The following CSMD1 variants were observed in gnomAD, a reference collection of about 807,000 sequenced individuals.
The protein encoded by CSMD1 is CUB and sushi domain-containing protein 1.
In CSMD1, 213 loss-of-function variants were observed where a neutral mutation model predicts 417.5. The observed-to-expected ratio is 0.51, with a 90% confidence interval of 0.46 to 0.57. The LOEUF is 0.57. Ranked by LOEUF, CSMD1 falls within the 20% of genes least tolerant of loss-of-function variation. The probability of loss-of-function intolerance (pLI) is 0.00; values close to 1 mark genes in which losing one functional copy is unlikely to be tolerated. For synonymous variants in CSMD1, 2,862 were observed against 1,736.8 expected, an observed-to-expected ratio of 1.65 and a Z score of -16.11; for missense variants, 6,923 against 4,529.7, an observed-to-expected ratio of 1.53 and a Z score of -15.17.
At chr8:4,745,648 A>C (rs1452590900) in intron 1 of CSMD1, among the ~76,000 whole-genome samples, 1 of 152,200 alleles carries the variant, frequency 6.6e-6, no homozygotes, top group East Asian at 1.9e-4. Flanking sequence ...GAGAAGTAGA[A>C]ATAAAAGAAA....
intron 3 of CSMD1, among the ~76,000 whole-genome samples, chr8:4,043,748 T>C (rs749532360): frequency 6.6e-6 from 1 of 152,242 alleles, no homozygotes; most frequent in Non-Finnish European, 1.5e-5. Context: ...ATACTATTGA[T>C]ATCTTGCTGA....
intron 3 of CSMD1, among the ~76,000 whole-genome samples, chr8:4,086,781 G>A (rs1800443951): frequency 6.6e-6 from 1 of 152,172 alleles, no homozygotes; most frequent in Admixed American, 6.5e-5. Flanking sequence ...TCAACTGAGT[G>A]AATGAACTTG....
intron 1 of CSMD1, among the ~76,000 whole-genome samples, chr8:4,909,145 G>A (rs1237149737): frequency 1.3e-5 from 2 of 152,192 alleles, no homozygotes; most frequent in African/African-American, 4.8e-5. Context: ...TCTTCTCAGA[G>A]AGGACTGTCC....
At chr8:4,258,610 T>C (rs961935710) in intron 3 of CSMD1, among the ~76,000 whole-genome samples, 5 of 50,510 alleles carry the variant, frequency 9.9e-5, no homozygotes, top group African/African-American at 1.4e-4. Context: ...CTTGTTCTCA[T>C]AGGGGCACTC....
intron 23 of CSMD1, among the ~76,000 whole-genome samples, chr8:3,315,287 G>A (rs557484983): frequency 6.6e-6 from 1 of 152,132 alleles, no homozygotes; most frequent in Non-Finnish European, 1.5e-5. Flanking sequence ...AAAGGTAATT[G>A]GTTAAATTTA....
chr8:3,083,622 A>T (rs1238307330), intron 49 of CSMD1, among the ~76,000 whole-genome samples: 4 of 15,536 alleles, frequency 2.6e-4, no homozygotes, highest in African/African-American at 1.0e-3. Context: ...ATATATATAT[A>T]TATATATATA....
At chr8:3,398,219 C>T (rs945829790) in intron 16 of CSMD1, among the ~76,000 whole-genome samples, 1 of 152,118 alleles carries the variant, frequency 6.6e-6, no homozygotes, top group African/African-American at 2.4e-5. Context: ...TTCAGCTCCG[C>T]CTGCCAATAC....
intron 5 of CSMD1, among the ~76,000 whole-genome samples, chr8:3,887,109 G>A (rs73172289): frequency 6.6e-6 from 1 of 152,278 alleles, no homozygotes; most frequent in Non-Finnish European, 1.5e-5. Flanking sequence ...AGTAGAGGGT[G>A]GGACTTCTAC....
At chr8:3,044,939 C>T (rs75204220) in intron 50 of CSMD1, among the ~76,000 whole-genome samples, 5,979 of 152,164 alleles carry the variant, frequency 0.039, 405 homozygotes, top group African/African-American at 0.13. Flanking sequence ...TTAATGGTAA[C>T]CAAATTTTTC....
chr8:4,520,523 TA>T (rs532455036), intron 2 of CSMD1, among the ~76,000 whole-genome samples: 21 of 152,226 alleles, frequency 1.4e-4, no homozygotes, highest in African/African-American at 5.1e-4. Flanking sequence ...GACATCCCGA[TA>T]GGTGTCTTAG....
chr8:3,597,165 C>A (rs562981760), intron 8 of CSMD1, among the ~76,000 whole-genome samples: 5 of 152,146 alleles, frequency 3.3e-5, no homozygotes, highest in Non-Finnish European at 7.3e-5. Context: ...GGAATCAATG[C>A]CCCAGGGGTC....
chr8:4,928,920 A>G (rs938696072), intron 1 of CSMD1, among the ~76,000 whole-genome samples: 1 of 152,044 alleles, frequency 6.6e-6, no homozygotes, highest in Non-Finnish European at 1.5e-5. Context: ...AATATAAAAA[A>G]TTTAGCCAGG....
intron 57 of CSMD1, among the ~76,000 whole-genome samples, chr8:2,969,786 A>C (rs1448223382): frequency 6.6e-6 from 1 of 152,140 alleles, no homozygotes; most frequent in Non-Finnish European, 1.5e-5. Flanking sequence ...GATTCTCCAA[A>C]ATGTATTTCA....
chr8:4,635,742 G>C (rs769372711), intron 2 of CSMD1, among the ~76,000 whole-genome samples: 12 of 152,032 alleles, frequency 7.9e-5, no homozygotes, highest in Admixed American at 2.0e-4. Flanking sequence ...GGCTTTTAAA[G>C]AGCATAAATT....
intron 5 of CSMD1, among the ~76,000 whole-genome samples, chr8:3,898,623 G>A (rs973766810): frequency 2.4e-4 from 37 of 152,240 alleles, no homozygotes; most frequent in African/African-American, 8.9e-4. Flanking sequence ...CTAAATCAAA[G>A]GTGCACCTAT....
intron 2 of CSMD1, among the ~76,000 whole-genome samples, chr8:4,596,856 G>T (rs1227719717): frequency 6.6e-6 from 1 of 152,106 alleles, no homozygotes; most frequent in East Asian, 1.9e-4. Flanking sequence ...GAATCATGGG[G>T]GCTGATCTTT....
At chr8:3,827,407 T>C (rs768769937) in intron 5 of CSMD1, among the ~76,000 whole-genome samples, 6 of 152,202 alleles carry the variant, frequency 3.9e-5, no homozygotes, top group Non-Finnish European at 5.9e-5. Context: ...CAAATACCTA[T>C]ATAGTTGGAA....
chr8:4,956,902 C>A (rs1274624965), intron 1 of CSMD1, among the ~76,000 whole-genome samples: 1 of 152,148 alleles, frequency 6.6e-6, no homozygotes, highest in Non-Finnish European at 1.5e-5. Flanking sequence ...CAACCAGGCG[C>A]TCTCATTTTT....
intron 12 of CSMD1, among the ~76,000 whole-genome samples, chr8:3,451,115 T>C (rs1405368080): frequency 6.6e-6 from 1 of 152,348 alleles, no homozygotes; most frequent in Admixed American, 6.5e-5. Context: ...AATGTCTTCT[T>C]TTGAGAAGTG....
Sources: gnomAD v4.1 joint callset for allele counts (sites outside exome capture counted in the v4.1 genomes callset) on GRCh38, gnomAD v4.1.1 for gene constraint, MANE v1.5 for transcripts, NCBI Gene and HGNC (gene_info 2026-07-23, HGNC 2026-07-21) for gene names.